The following RBPMS variants were observed in gnomAD, a reference collection of about 807,000 sequenced individuals.
RBPMS encodes RNA-binding protein with multiple splicing.
Under a neutral mutation model 26.8 loss-of-function variants are expected in RBPMS, and 7 were observed. That is an observed-to-expected ratio of 0.26 (90% CI 0.15 to 0.49). RBPMS has a LOEUF of 0.49. Ranked by LOEUF, RBPMS falls within the 20% of genes least tolerant of loss-of-function variation. The pLI is 0.98. For missense variants in RBPMS, 186 were observed against 250.0 expected (o/e 0.74, Z 1.73); for synonymous variants, 96 against 93.3 (o/e 1.03, Z -0.17).
chr8:30,447,314 A>G (rs1813984737), intron 1 of RBPMS, among the ~76,000 whole-genome samples: 1 of 152,240 alleles, frequency 6.6e-6, no homozygotes, highest in Non-Finnish European at 1.5e-5. Context: ...CAACCTGTAC[A>G]GTATTAACTA....
At chr8:30,525,459 T>G (rs954972193) in intron 5 of RBPMS, among the ~76,000 whole-genome samples, 3 of 152,218 alleles carry the variant, frequency 2.0e-5, no homozygotes, top group Admixed American at 6.5e-5. Context: ...TTATATATGT[T>G]AAGTGCTACC....
chr8:30,386,458 C>G (rs1170629772), intron 1 of RBPMS, among the ~76,000 whole-genome samples: 1 of 152,212 alleles, frequency 6.6e-6, no homozygotes, highest in East Asian at 1.9e-4. Flanking sequence ...GAATTGCAGT[C>G]AGCCAAAAAT....
chr8:30,507,506 C>T (rs1821188575), intron 5 of RBPMS, among the ~76,000 whole-genome samples: 1 of 152,042 alleles, frequency 6.6e-6, no homozygotes, highest in Non-Finnish European at 1.5e-5. Context: ...TGAGTGTAGC[C>T]AATTGTCTTT....
At chr8:30,506,682 G>A (rs1821102020) in intron 5 of RBPMS, among the ~76,000 whole-genome samples, 1 of 152,186 alleles carries the variant, frequency 6.6e-6, no homozygotes, top group African/African-American at 2.4e-5. Context: ...TGGAGAATTT[G>A]AGGATTGGAA....
chr8:30,555,905 T>C (rs1010668060), intron 6 of RBPMS: 13 of 984,988 alleles, frequency 1.3e-5, no homozygotes, highest in Non-Finnish European at 1.6e-5. Flanking sequence ...GAGCAGCTTG[T>C]TCCCCCCCAC....
chr8:30,553,034 C>A (rs1162952018), intron 6 of RBPMS: 2 of 152,282 alleles, frequency 1.3e-5, no homozygotes, highest in African/African-American at 4.8e-5. Context: ...GCTGTTGGGG[C>A]AGGTGAGATG....
intron 6 of RBPMS, chr8:30,558,466 C>T (rs1245088836): frequency 2.1e-5 from 6 of 286,876 alleles, no homozygotes; most frequent in Non-Finnish European, 3.4e-5. Context: ...TGGATGGGGT[C>T]GTGAACTGCC....
At chr8:30,447,315 G>A (rs1813985230) in intron 1 of RBPMS, among the ~76,000 whole-genome samples, 1 of 152,180 alleles carries the variant, frequency 6.6e-6, no homozygotes, top group Non-Finnish European at 1.5e-5. Flanking sequence ...AACCTGTACA[G>A]TATTAACTAG....
At chr8:30,390,833 T>C (rs1807712360) in intron 1 of RBPMS, among the ~76,000 whole-genome samples, 1 of 152,242 alleles carries the variant, frequency 6.6e-6, no homozygotes, top group Non-Finnish European at 1.5e-5. Context: ...AAATCTCCTC[T>C]GCACACATCC....
Position 30,459,374 on chromosome 8 carries a change from G to C in RBPMS, c.67-15405G>C, listed in dbSNP as rs145867254. 1.9e-3 allele frequency among the ~76,000 whole-genome samples: 289 copies of C among 152,144 alleles called. 1 individual carries two copies. In the South Asian group the frequency reaches 0.021, roughly 11 times the overall value. ...GTGCTCAAGTGATCCTCCTACCTCA[G>C]CCTCCTGAGTAGCTGGGACTACAGG... On this transcript the variant is annotated intron_variant, in intron 1 of 8. Transcript: ENST00000397323.
chr8:30,513,586 T>A (rs1821959286), intron 5 of RBPMS, among the ~76,000 whole-genome samples: 1 of 34,918 alleles, frequency 2.9e-5, no homozygotes, highest in African/African-American at 1.1e-4. Flanking sequence ...AGACTCCATC[T>A]CAAAAAAAAA....
At chr8:30,426,748 G>C (rs572662924) in intron 1 of RBPMS, among the ~76,000 whole-genome samples, 3 of 148,902 alleles carry the variant, frequency 2.0e-5, no homozygotes, top group East Asian at 4.0e-4. Context: ...TCGGAGGTCT[G>C]ACTCCCAGCT....
At chr8:30,415,426 C>T (rs1809948308) in intron 1 of RBPMS, among the ~76,000 whole-genome samples, 1 of 152,184 alleles carries the variant, frequency 6.6e-6, no homozygotes, top group South Asian at 2.1e-4. Context: ...ATATACTCTG[C>T]CACTCTGCTT....
At chr8:30,560,949 CCAGA>C (rs1369058010) in intron 7 of RBPMS, among the ~76,000 whole-genome samples, 1 of 152,088 alleles carries the variant, frequency 6.6e-6, no homozygotes, top group Non-Finnish European at 1.5e-5. Context: ...ATTTAAAACC[CCAGA>C]CAATGTAGTA....
At chr8:30,388,230 C>T (rs1807343446) in intron 1 of RBPMS, among the ~76,000 whole-genome samples, 1 of 151,828 alleles carries the variant, frequency 6.6e-6, no homozygotes, top group African/African-American at 2.4e-5. Context: ...CATGTCATTT[C>T]TTATATTTTA....
intron 5 of RBPMS, among the ~76,000 whole-genome samples, chr8:30,529,314 GC>G (rs1200001408): frequency 1.3e-5 from 2 of 151,124 alleles, no homozygotes; most frequent in African/African-American, 4.9e-5. Context: ...ACAGTGTTTT[GC>G]ATCCATCACC....
chr8:30,465,899 G>GTA (rs1554519799), intron 1 of RBPMS, among the ~76,000 whole-genome samples: 1 of 152,194 alleles, frequency 6.6e-6, no homozygotes, highest in Non-Finnish European at 1.5e-5. Context: ...TAGTGGTGTG[G>GTA]TATACCCAGT....
chr8:30,389,401 T>C (rs1807511997), intron 1 of RBPMS, among the ~76,000 whole-genome samples: 1 of 152,206 alleles, frequency 6.6e-6, no homozygotes, highest in Admixed American at 6.5e-5. Flanking sequence ...CTTCTGGAGA[T>C]GGTTTCACAT....
chr8:30,461,067 A>C (rs1253458015), intron 1 of RBPMS, among the ~76,000 whole-genome samples: 1 of 151,748 alleles, frequency 6.6e-6, no homozygotes, highest in Non-Finnish European at 1.5e-5. Context: ...AAAAGAAATT[A>C]ACGGGAAAAA....
Sources: gnomAD v4.1 joint callset for allele counts (sites outside exome capture counted in the v4.1 genomes callset) on GRCh38, gnomAD v4.1.1 for gene constraint, MANE v1.5 for transcripts, NCBI Gene and HGNC (gene_info 2026-07-23, HGNC 2026-07-21) for gene names.